The following GABRB3 variants were observed in gnomAD, a reference collection of about 807,000 sequenced individuals.
GABRB3 encodes the protein gamma-aminobutyric acid type A receptor subunit beta3, also known as gamma-aminobutyric acid receptor subunit beta-3.
In GABRB3, 14 loss-of-function variants were observed where a neutral mutation model predicts 52.1. The observed-to-expected ratio is 0.27, with a 90% CI of 0.18 to 0.42. GABRB3 has a LOEUF of 0.42. Ranked by LOEUF, GABRB3 falls within the 10% of genes least tolerant of loss-of-function variation. GABRB3 has a pLI of 1.00. For synonymous variants in GABRB3, 260 were observed against 232.3 expected (o/e 1.12, Z -1.08); for missense variants, 307 against 609.1 (o/e 0.50, Z 5.22).
intron 7 of GABRB3, among the ~76,000 whole-genome samples, chr15:26,565,168 TTGA>T (rs75317901): frequency 6.6e-5 from 10 of 150,974 alleles, no homozygotes; most frequent in South Asian, 2.1e-4. Flanking sequence ...GTCTGTTGTA[TTGA>T]TGATGATGAT....
At chr15:26,599,225 C>A (rs944318038) in intron 4 of GABRB3, among the ~76,000 whole-genome samples, 1 of 152,226 alleles carries the variant, frequency 6.6e-6, no homozygotes. Context: ...ATGACCCCAC[C>A]TGGTAAGGAA....
chr15:26,580,634 T>A, intron 5 of GABRB3, 178 bp from the exon 6 acceptor site: 1 of 811,100 alleles, frequency 1.2e-6, no homozygotes, highest in Non-Finnish European at 2.0e-6. Flanking sequence ...CTCATGTTAC[T>A]GCTGCCATTT....
chr15:26,735,183 A>G (rs1266508127), intron 3 of GABRB3, among the ~76,000 whole-genome samples: 1 of 152,214 alleles, frequency 6.6e-6, no homozygotes, highest in Non-Finnish European at 1.5e-5. Context: ...TCAAAACCAC[A>G]ATGAAATACT....
At chr15:26,718,508 C>G (rs1186534149) in intron 3 of GABRB3, among the ~76,000 whole-genome samples, 1 of 152,220 alleles carries the variant, frequency 6.6e-6, no homozygotes, top group African/African-American at 2.4e-5. Flanking sequence ...CGCGCCCAGC[C>G]TTAATAGCTT....
At position 26,562,491 on chromosome 15, in the gene GABRB3, G is replaced by A. The variant is rs557387834; in HGVS notation, c.836-1315C>T. 4.6e-5 allele frequency among the ~76,000 whole-genome samples: 7 copies of A among 152,324 alleles called. No individual in the cohort carries two copies. The East Asian group carries it at 1.4e-3, about 29-fold the overall frequency. ...CCCAAAACCCACATGACATCACTGA[G>A]GCCAAGAGGTAGTGCCAGCCCTACA... is the stretch of plus-strand genomic sequence containing the variant. On this transcript the variant is annotated intron_variant, in intron 7 of 8. Transcript: ENST00000311550.
chr15:26,556,081 G>A (rs549789609), intron 8 of GABRB3, among the ~76,000 whole-genome samples: 17 of 152,302 alleles, frequency 1.1e-4, no homozygotes, highest in African/African-American at 4.1e-4. Flanking sequence ...GCCCTTCATA[G>A]AATGACAGAT....
intron 8 of GABRB3, among the ~76,000 whole-genome samples, chr15:26,556,639 T>TA (rs936910763): frequency 4.6e-5 from 7 of 152,208 alleles, no homozygotes; most frequent in Non-Finnish European, 1.0e-4. Context: ...GCTTACATGG[T>TA]ACCACTAGTC....
intron 4 of GABRB3, chr15:26,614,117 A>G (rs1892172621): frequency 6.6e-6 from 1 of 152,178 alleles, no homozygotes; most frequent in Admixed American, 6.5e-5. Context: ...GGTGAAGCTC[A>G]TTTTGGAAAT....
chr15:26,601,673 GTGT>G (rs1356448735), intron 4 of GABRB3, among the ~76,000 whole-genome samples: 1 of 152,168 alleles, frequency 6.6e-6, no homozygotes, highest in Non-Finnish European at 1.5e-5. Flanking sequence ...TCATGCAATA[GTGT>G]TAAGTTGTCA....
At chr15:26,719,566 A>T (rs545764309) in intron 3 of GABRB3, among the ~76,000 whole-genome samples, 34 of 152,336 alleles carry the variant, frequency 2.2e-4, no homozygotes, top group South Asian at 1.9e-3. Context: ...TGACAACACT[A>T]CTTAGCAGAT....
At chr15:26,568,831 G>C (rs56391612) in intron 6 of GABRB3, among the ~76,000 whole-genome samples, 1 of 151,922 alleles carries the variant, frequency 6.6e-6, no homozygotes, top group East Asian at 1.9e-4. Context: ...GCTTTTCTTA[G>C]AGCAAGGCAA....
At chr15:26,687,536 CTT>C (rs1429990707) in intron 3 of GABRB3, among the ~76,000 whole-genome samples, 2 of 152,120 alleles carry the variant, frequency 1.3e-5, no homozygotes, top group African/African-American at 4.8e-5. Flanking sequence ...TCCCTTCTCT[CTT>C]TGCTTCATTC....
intron 3 of GABRB3, among the ~76,000 whole-genome samples, chr15:26,681,146 C>G (rs1179813802): frequency 1.3e-5 from 2 of 152,034 alleles, no homozygotes; most frequent in Admixed American, 6.6e-5. Context: ...AATAAACAAA[C>G]CAACCAACCA....
At chr15:26,700,422 TA>T (rs1286465120) in intron 3 of GABRB3, among the ~76,000 whole-genome samples, 1 of 152,224 alleles carries the variant, frequency 6.6e-6, no homozygotes, top group Non-Finnish European at 1.5e-5. Context: ...CAATTCTATG[TA>T]AACTCTTCCA....
intron 4 of GABRB3, among the ~76,000 whole-genome samples, chr15:26,586,116 A>G (rs1890974173): frequency 6.6e-6 from 1 of 151,966 alleles, no homozygotes; most frequent in Non-Finnish European, 1.5e-5. Context: ...CTCCTGCCTC[A>G]GCCTCCCAAG....
chr15:26,734,181 CA>C, intron 3 of GABRB3, among the ~76,000 whole-genome samples: 1 of 152,034 alleles, frequency 6.6e-6, no homozygotes, highest in African/African-American at 2.4e-5. Context: ...AGGCATGCAC[CA>C]TCACACCCAG....
At chr15:26,586,508 G>A (rs1309282158) in intron 4 of GABRB3, among the ~76,000 whole-genome samples, 1 of 151,754 alleles carries the variant, frequency 6.6e-6, no homozygotes, top group African/African-American at 2.4e-5. Flanking sequence ...AGGGGAACCT[G>A]AGGCTAGAAG....
At chr15:26,569,827 CT>C (rs1890328255) in intron 6 of GABRB3, among the ~76,000 whole-genome samples, 1 of 152,284 alleles carries the variant, frequency 6.6e-6, no homozygotes, top group Admixed American at 6.5e-5. Context: ...TGCTAAATCC[CT>C]TGGGAAAACC....
chr15:26,563,804 G>A (rs17560512), intron 7 of GABRB3, among the ~76,000 whole-genome samples: 27,372 of 151,988 alleles, frequency 0.18, 3,099 homozygotes, highest in Admixed American at 0.25. Context: ...TTTTTTGTAC[G>A]TTCACCAGGC....
Sources: gnomAD v4.1 joint callset for allele counts (sites outside exome capture counted in the v4.1 genomes callset) on GRCh38, gnomAD v4.1.1 for gene constraint, MANE v1.5 for transcripts, NCBI Gene and HGNC (gene_info 2026-07-23, HGNC 2026-07-21) for gene names.